PHLDB2: variants seen among roughly 807,000 people sequenced by gnomAD.
The protein encoded by PHLDB2 is pleckstrin homology-like domain family B member 2.
Under a neutral mutation model 123.6 loss-of-function variants are expected in PHLDB2, and 71 were observed. That is an observed-to-expected ratio of 0.57 (90% CI 0.47 to 0.70). The LOEUF (loss-of-function observed/expected upper bound fraction) is 0.70. Ranked by LOEUF, PHLDB2 falls within the 30% of genes least tolerant of loss-of-function variation. The pLI is 0.00. For missense variants in PHLDB2, 1,446 were observed against 1,519.5 expected (o/e 0.95, Z 0.80); for synonymous variants, 547 against 541.6 (o/e 1.01, Z -0.14).
At chr3:111,759,490 T>G (rs6784441) in intron 1 of PHLDB2, among the ~76,000 whole-genome samples, 1 of 152,014 alleles carries the variant, frequency 6.6e-6, no homozygotes, top group Non-Finnish European at 1.5e-5. Flanking sequence ...GACCACAACA[T>G]TGAGATTTTA....
chr3:111,869,031 C>T (rs992508541), intron 1 of PHLDB2, among the ~76,000 whole-genome samples: 14 of 152,204 alleles, frequency 9.2e-5, no homozygotes, highest in African/African-American at 3.1e-4. Flanking sequence ...CAATTCCTAA[C>T]GTAAAACAAT....
At chr3:111,888,028 A>G (rs1211697931) in intron 2 of PHLDB2, among the ~76,000 whole-genome samples, 2 of 152,158 alleles carry the variant, frequency 1.3e-5, no homozygotes, top group African/African-American at 4.8e-5. Flanking sequence ...AACAAACAAT[A>G]TCAGCATGAA....
rs562137454 is a variant in PHLDB2, at chr3:111,784,511, A to C, written c.-49+51808A>C. ...CTGTCTGTGTCTGTGAGTGGGTGTG[A>C]TCAGTAGGCCCCTCTCTCATAAACC... On this transcript the variant is annotated intron_variant, in intron 1 of 17. Transcript: ENST00000393923. Among the ~76,000 whole-genome samples the C allele has an allele frequency of 2.4e-4, 36 of 152,198 alleles. No individual in the cohort carries two copies. The South Asian group carries it at 7.3e-3, about 31-fold the overall frequency.
At chr3:111,916,928 T>C (rs2068214555) in intron 3 of PHLDB2, 1 of 152,170 alleles carries the variant, frequency 6.6e-6, no homozygotes, top group South Asian at 2.1e-4. Flanking sequence ...AGTAGATTCC[T>C]GTCCATTACT....
chr3:111,859,670 G>T (rs2064697487), intron 1 of PHLDB2, 94 bp downstream of exon 1: 10 of 985,426 alleles, frequency 1.0e-5, no homozygotes, highest in Non-Finnish European at 1.2e-5. Flanking sequence ...CCCCGCGGCC[G>T]AGTTGGTTGC....
intron 12 of PHLDB2, 60 bp downstream of exon 12, chr3:111,954,089 G>T: frequency 6.8e-7 from 1 of 1,481,190 alleles, no homozygotes; most frequent in Non-Finnish European, 9.3e-7. Context: ...TTCTTCAGGG[G>T]GAGGAAGTGA....
Position 111,902,641 on chromosome 3 carries a change from G to GT in PHLDB2, c.1336-10668dup, listed in dbSNP as rs201571096. Among the ~76,000 whole-genome samples, 711 of 150,002 alleles carry GT rather than the reference G, an allele frequency of 4.7e-3. 6 individuals carry two copies. The highest frequency in any genetic ancestry group is 0.016 in the African/African-American group (654 of 41,052). On this transcript the variant is annotated intron_variant, in intron 2 of 17. Transcript: ENST00000431670. Reference sequence around the variant, plus strand: ...GCAAGTAACAGTAAATATTTATTCAGTTTTTTTTTTCTTTGAGGCGGGGGT... The same window carrying GT: ...GCAAGTAACAGTAAATATTTATTCAGTTTTTTTTTTTCTTTGAGGCGGGGGT...
Position 111,885,008 on chromosome 3 carries a change from G to C in PHLDB2, c.931G>C (p.Ala311Pro). Reference protein sequence around the residue: ...YLNFSSLSSGALPYKTSASEG... With the variant: ...YLNFSSLSSGPLPYKTSASEG... Reference sequence around the variant, plus strand: ...TAATTTTTCTTCTTTGAGCTCAGGGGCTTTACCCTATAAAACCTCTGCTTC... The same window carrying C: ...TAATTTTTCTTCTTTGAGCTCAGGGCCTTTACCCTATAAAACCTCTGCTTC... Residue 311 changes from alanine (A) to proline (P), a missense_variant, in exon 2 of 18, where the codon GCT (alanine) becomes CCT (proline). Physicochemically the swap from Ala to Pro is conservative, Grantham distance 27. This residue lies in a region of PHLDB2 where 832 missense variants were observed against 831.9 expected (regional missense o/e 1.00). Transcript: ENST00000431670. The C allele has an allele frequency of 4.3e-6, 7 of 1,614,126 alleles. No homozygotes were observed. The highest frequency in any genetic ancestry group is 5.9e-6 in the Non-Finnish European group (7 of 1,180,024).
At chr3:111,808,340 T>G (rs778548668) in intron 1 of PHLDB2, among the ~76,000 whole-genome samples, 4 of 152,170 alleles carry the variant, frequency 2.6e-5, no homozygotes, top group Non-Finnish European at 4.4e-5. Flanking sequence ...CATGGTGTTG[T>G]ATGTTTGTGC....
rs1242602564 is a variant in PHLDB2, at chr3:111,962,255, A to G, written c.3020A>G (p.Asp1007Gly). 1 of 1,582,410 alleles carries G rather than the reference A, an allele frequency of 6.3e-7. No individual in the cohort carries two copies. ...KDQAFDTLSL[D>G]SSDSMETSIS... ...CAGGCCTTTGATACTCTGAGCCTCG[A>G]TAGCTCTGATAGCATGGAGACCAGC... Residue 1007 changes from aspartate to glycine, a missense_variant, in exon 13 of 18, where the codon GAT becomes GGT. Asp to Gly is a moderately conservative substitution (Grantham distance 94, BLOSUM62 -1). Around this residue, in one of 3 missense-constraint regions of PHLDB2, gnomAD observed 594 missense variants for 646.0 expected, o/e 0.92. Coordinates refer to ENST00000431670, the MANE Select transcript of PHLDB2 (RefSeq NM_001134438.2).
intron 1 of PHLDB2, among the ~76,000 whole-genome samples, chr3:111,765,277 T>A (rs141515000): frequency 6.6e-6 from 1 of 152,088 alleles, no homozygotes; most frequent in Non-Finnish European, 1.5e-5. Context: ...GAGAAAAAAA[T>A]GGATGGACCC....
chr3:111,741,003 C>T (rs2059595034), intron 1 of PHLDB2, among the ~76,000 whole-genome samples: 1 of 152,030 alleles, frequency 6.6e-6, no homozygotes. Context: ...TGGAGACAAT[C>T]TCACATAGTC....
At chr3:111,828,737 T>G (rs558047426) in intron 1 of PHLDB2, among the ~76,000 whole-genome samples, 1 of 152,198 alleles carries the variant, frequency 6.6e-6, no homozygotes, top group East Asian at 1.9e-4. Context: ...TAGCCAAGAT[T>G]GCGCCACAGC....
At chr3:111,873,321 T>A (rs938804072) in intron 1 of PHLDB2, among the ~76,000 whole-genome samples, 5 of 149,586 alleles carry the variant, frequency 3.3e-5, no homozygotes, top group African/African-American at 4.8e-5. Flanking sequence ...TGGCACTTCC[T>A]GGGGTAGTAG....
intron 1 of PHLDB2, among the ~76,000 whole-genome samples, chr3:111,811,003 C>A (rs558748667): frequency 1.4e-4 from 21 of 152,240 alleles, no homozygotes; most frequent in African/African-American, 5.1e-4. Context: ...GGCCCAGATA[C>A]ATGCTCCATG....
chr3:111,837,182 G>T (rs1254574658), intron 1 of PHLDB2, among the ~76,000 whole-genome samples: 1 of 152,178 alleles, frequency 6.6e-6, no homozygotes, highest in Non-Finnish European at 1.5e-5. Flanking sequence ...TCTGCATAGA[G>T]TAAGAAATCA....
In PHLDB2 at chr3:111,732,790, G is replaced by A; in HGVS notation, c.-49+87G>A. On this transcript the variant is annotated intron_variant, in intron 1 of 17. Coordinates refer to the PHLDB2 transcript ENST00000393923. ...GCCTCGTCACCAGAGTGTTTCTGAG[G>A]AGGGTCTGCTGGAGATATGGTAGAC... 5.8e-6 allele frequency: 7 copies of A among 1,196,852 alleles called. 1 individual carries two copies. The Admixed American group carries it at 1.4e-4, about 24-fold the overall frequency. 74.1% of individuals were successfully genotyped at this position (1,196,852 alleles called of 1,614,324 possible). A position where few individuals can be genotyped will look rare whatever the true frequency, so the allele number is the denominator to read the frequency against.
intron 2 of PHLDB2, among the ~76,000 whole-genome samples, chr3:111,898,167 T>TGTGTGC (rs2066979112): frequency 7.9e-6 from 1 of 126,530 alleles, no homozygotes; most frequent in Non-Finnish European, 1.7e-5. Flanking sequence ...TTTCTTTGTG[T>TGTGTGC]GTGTGTGTGT....
chr3:111,840,099 A>G (rs1426130882), intron 1 of PHLDB2, among the ~76,000 whole-genome samples: 2 of 151,760 alleles, frequency 1.3e-5, no homozygotes, highest in Admixed American at 6.6e-5. Flanking sequence ...TCAAAATAAA[A>G]ATATTAGCCA....
Sources: allele counts gnomAD v4.1 joint callset (sites outside exome capture counted in the v4.1 genomes callset), GRCh38; gene constraint gnomAD v4.1.1; regional missense constraint gnomAD v4.1.1; transcripts MANE v1.5; gene names NCBI Gene and HGNC (gene_info 2026-07-23, HGNC 2026-07-21).